Variants in NT5DC3 observed in about 807,000 individuals in gnomAD.
NT5DC3 encodes the protein 5'-nucleotidase domain containing 3.
Under a neutral mutation model 67.8 loss-of-function variants are expected in NT5DC3, and 42 were observed. The observed-to-expected ratio is 0.62, with a 90% CI of 0.48 to 0.80. The LOEUF (loss-of-function observed/expected upper bound fraction) is 0.80. Among genes scored for constraint, NT5DC3 ranks in the 30% least tolerant of loss-of-function variants. The pLI is 0.00. For synonymous variants in NT5DC3, 237 were observed against 255.6 expected (o/e 0.93, Z 0.69); for missense variants, 570 against 696.4 (o/e 0.82, Z 2.04).
At chr12:103,762,341 C>T in the NT5DC3 span, 1 of 1,614,198 alleles carries the variant, frequency 6.2e-7, no homozygotes, top group Non-Finnish European at 8.5e-7. Context: ...GGGGCTGTTG[C>T]CTTGGCTGCT....
chr12:103,831,912 G>A (rs528348983), intron 1 of NT5DC3, among the ~76,000 whole-genome samples: 318 of 151,920 alleles, frequency 2.1e-3, no homozygotes, highest in Non-Finnish European at 3.8e-3. Context: ...AAGTGGCTGG[G>A]ATTACAGGCT....
chr12:103,768,062 T>C (rs1431660707), downstream of NT5DC3, among the ~76,000 whole-genome samples: 3 of 129,716 alleles, frequency 2.3e-5, no homozygotes, highest in Non-Finnish European at 3.1e-5. Context: ...CACTCCAGCC[T>C]GGGCAACAGA....
At position 103,821,932 on chromosome 12, in the gene NT5DC3, C is replaced by T. The variant is rs576225434; in HGVS notation, c.209-6811G>A. 6 of 152,304 alleles carry T rather than the reference C, an allele frequency of 3.9e-5. No homozygotes were observed. The East Asian group carries it at 1.2e-3, about 29-fold the overall frequency. 9.4% of individuals were successfully genotyped at this position (152,304 alleles called of 1,614,324 possible). On this transcript the variant is annotated intron_variant, in intron 1 of 13. Coordinates refer to ENST00000392876, the MANE Select transcript of NT5DC3 (RefSeq NM_001031701.3). ...TGAATACTGACCAGAGTTACATCTGCCTGGAATATTCTGTCTCTGTCTAAT... is the reference window on the plus strand; with the variant it reads ...TGAATACTGACCAGAGTTACATCTGTCTGGAATATTCTGTCTCTGTCTAAT...
chr12:103,753,290 A>G, the NT5DC3 span: 11 of 1,614,136 alleles, frequency 6.8e-6, no homozygotes, highest in Admixed American at 1.5e-4. Flanking sequence ...ACAAAGCCAG[A>G]GAGGCCTGTG....
At chr12:103,769,328 CA>C (rs1049022589), downstream of NT5DC3, among the ~76,000 whole-genome samples, 4 of 152,168 alleles carry the variant, frequency 2.6e-5, no homozygotes, top group Non-Finnish European at 2.9e-5. Flanking sequence ...TAATATGAGC[CA>C]ATCCCCAGCA....
At chr12:103,788,009 C>T (rs1049594858) in intron 10 of NT5DC3, among the ~76,000 whole-genome samples, 9 of 152,098 alleles carry the variant, frequency 5.9e-5, no homozygotes, top group African/African-American at 1.7e-4. Context: ...CACTTATTGC[C>T]AAATCCATCA....
intron 5 of NT5DC3, among the ~76,000 whole-genome samples, chr12:103,797,656 CAG>C (rs1350176953): frequency 6.6e-6 from 1 of 152,098 alleles, no homozygotes; most frequent in Non-Finnish European, 1.5e-5. Context: ...TCAGGAAACA[CAG>C]AGGAAAGCCA....
At chr12:103,778,169 TTA>T (rs1566096709) in intron 13 of NT5DC3, 88 bp from the exon 14 acceptor site, 34 of 1,122,128 alleles carry the variant, frequency 3.0e-5, no homozygotes, top group Admixed American at 6.9e-5. Context: ...ACTTCTTTTT[TTA>T]AAAAAAAAAA....
intron 12 of NT5DC3, among the ~76,000 whole-genome samples, chr12:103,784,992 G>T (rs1885703671): frequency 6.6e-6 from 1 of 152,132 alleles, no homozygotes; most frequent in Non-Finnish European, 1.5e-5. Flanking sequence ...CTGAGGCCCA[G>T]AATGGAGAAG....
chr12:103,785,449 C>T lies in NT5DC3; in HGVS notation c.1215G>A (p.Arg405=). The T allele has an allele frequency of 6.2e-7, 1 of 1,614,096 alleles. No homozygotes were observed. Among genetic ancestry groups the T allele is most frequent in the South Asian group, 1.1e-5 (1 of 91,080 alleles). ...LADLTLKHGW[R]TGAIIPELRS... The stretch of plus-strand genomic sequence containing the variant: ...TCAACTCTGGGATGATTGCACCAGT[C>T]CTCCAGCCATGCTTTAGGGTCAAAT... The change falls in exon 12 of 14, where the codon AGG becomes AGA. Residue 405 remains arginine (R), a synonymous_variant. Transcript: ENST00000392876.
intron 1 of NT5DC3, among the ~76,000 whole-genome samples, chr12:103,840,377 G>T (rs201574900): frequency 4.7e-4 from 54 of 115,404 alleles, no homozygotes; most frequent in East Asian, 3.6e-3. Context: ...ACACCGCACA[G>T]CTCATCTCAT....
chr12:103,750,547 C>A, the NT5DC3 span: 2 of 1,610,430 alleles, frequency 1.2e-6, no homozygotes, highest in Non-Finnish European at 1.7e-6. Context: ...AGAGAAGGAA[C>A]TTTTTCATCT....
In NT5DC3 at chr12:103,777,469, A is replaced by C; in HGVS notation, c.*360T>G. 1 of 227,758 alleles carries C rather than the reference A, an allele frequency of 4.4e-6. No homozygotes were observed. The highest frequency in any genetic ancestry group is 1.0e-4 in the East Asian group (1 of 9,890). 14.1% of individuals were successfully genotyped at this position (227,758 alleles called of 1,614,324 possible). A position where few individuals can be genotyped will look rare whatever the true frequency, so the allele number is the denominator to read the frequency against. On this transcript the variant is annotated 3_prime_UTR_variant, in exon 14 of 14. Coordinates refer to ENST00000392876, the MANE Select transcript of NT5DC3 (RefSeq NM_001031701.3). ...TGCATAGCCCGTAAATGTTCAGGAA[A>C]TGTTCCATGGAGGAGTCAAGAACCG... is the stretch of plus-strand genomic sequence containing the variant.
intron 1 of NT5DC3, among the ~76,000 whole-genome samples, chr12:103,840,423 T>TCATCTCATCTCATCTCATC (rs1566137842): frequency 1.6e-5 from 1 of 62,290 alleles, no homozygotes; most frequent in Non-Finnish European, 4.2e-5. Context: ...CTCATCTCAT[T>TCATCTCATCTCATCTCATC]CCATCCCATT....
intron 12 of NT5DC3, 57 bp downstream of exon 12, chr12:103,785,278 A>C: frequency 6.5e-7 from 1 of 1,534,298 alleles, no homozygotes; most frequent in South Asian, 1.1e-5. Flanking sequence ...TACCTGAAGT[A>C]ACTTTCTAAC....
chr12:103,838,364 T>C (rs1888238803), intron 1 of NT5DC3, among the ~76,000 whole-genome samples: 1 of 152,202 alleles, frequency 6.6e-6, no homozygotes, highest in South Asian at 2.1e-4. Flanking sequence ...CTTTCATGGA[T>C]GGACTCATCC....
At position 103,773,638 on chromosome 12, in the gene NT5DC3, C is replaced by G. The variant is rs1162124932; in HGVS notation, c.*4191G>C. 3 of 152,206 alleles carry G rather than the reference C, an allele frequency of 2.0e-5. No homozygotes were observed. The highest frequency in any genetic ancestry group is 7.2e-5 in the African/African-American group (3 of 41,464). The allele number at this position is 152,206 out of a possible 1,614,324, so 9.4% of individuals were successfully genotyped here. Reference sequence around the variant, plus strand: ...TTAGTTGAACAGAACAATCAAGGAACCCTGTGTCTGGCCAAATTTCGTCTT... The same window carrying G: ...TTAGTTGAACAGAACAATCAAGGAAGCCTGTGTCTGGCCAAATTTCGTCTT... On this transcript the variant is annotated 3_prime_UTR_variant, in exon 14 of 14. Coordinates refer to ENST00000392876, the MANE Select transcript of NT5DC3 (RefSeq NM_001031701.3).
intron 4 of NT5DC3, among the ~76,000 whole-genome samples, chr12:103,803,850 T>C (rs2139380723): frequency 8.6e-6 from 1 of 116,340 alleles, no homozygotes; most frequent in East Asian, 3.5e-4. Flanking sequence ...AATAGATTCA[T>C]TCATTACCAC....
At chr12:103,783,947 C>T (rs912080797) in intron 12 of NT5DC3, among the ~76,000 whole-genome samples, 20 of 152,200 alleles carry the variant, frequency 1.3e-4, no homozygotes, top group African/African-American at 4.8e-4. Flanking sequence ...CAGGAAGGCA[C>T]ATTAGAGCAG....
Sources: allele counts gnomAD v4.1 joint callset (sites outside exome capture counted in the v4.1 genomes callset), GRCh38; gene constraint gnomAD v4.1.1; transcripts MANE v1.5; gene names NCBI Gene and HGNC (gene_info 2026-07-23, HGNC 2026-07-21).